The following ARHGEF10 variants were observed in gnomAD, a reference collection of about 807,000 sequenced individuals.
ARHGEF10 encodes the protein Rho guanine nucleotide exchange factor 10.
ARHGEF10 carries 140 observed loss-of-function variants against 147.4 expected under a neutral mutation model. That is an observed-to-expected ratio of 0.95 (90% CI 0.83 to 1.09). The LOEUF is 1.09. Among genes scored for constraint, ARHGEF10 ranks in the 50% least tolerant of loss-of-function variants. ARHGEF10 has a pLI of 0.00. For missense variants in ARHGEF10, 2,222 were observed against 1,752.7 expected, an observed-to-expected ratio of 1.27 and a Z score of -4.78; for synonymous variants, 902 against 695.8, an observed-to-expected ratio of 1.30 and a Z score of -4.67.
intron 1 of ARHGEF10, among the ~76,000 whole-genome samples, chr8:1,829,572 C>A (rs187844596): frequency 6.6e-5 from 10 of 152,250 alleles, no homozygotes; most frequent in Non-Finnish European, 1.5e-4. Context: ...GCTGCCTCCA[C>A]GGAAGCCGCG....
chr8:1,893,944 C>T (rs927145626), intron 12 of ARHGEF10, among the ~76,000 whole-genome samples: 2 of 151,942 alleles, frequency 1.3e-5, no homozygotes, highest in Non-Finnish European at 2.9e-5. Context: ...GAGGCTGAGT[C>T]AGGTGGATTG....
At chr8:1,840,521 TCTGTCCGGTGTGGGGA>T (rs1414879996) in intron 1 of ARHGEF10, among the ~76,000 whole-genome samples, 1 of 87,614 alleles carries the variant, frequency 1.1e-5, no homozygotes, top group African/African-American at 4.4e-5. Context: ...CGGTGTGGAA[TCTGTCCGGTGTGGGGA>T]CTGTCCGGTG....
rs1252109298 is a variant in ARHGEF10 at position 1,950,502 on chromosome 8, C to T, written c.3398-2203C>T. On this transcript the variant is annotated intron_variant, in intron 27 of 28. Transcript: ENST00000349830. ...AAAAACATTCATATCGGGTTTCTAC[C>T]TGCTTTTACCCTTTTTATTATTTAT... Among the ~76,000 whole-genome samples, 3 of 152,168 alleles carry T rather than the reference C, an allele frequency of 2.0e-5. No individual in the cohort carries two copies. In the East Asian group the frequency reaches 5.8e-4, roughly 29 times the overall value.
intron 9 of ARHGEF10, among the ~76,000 whole-genome samples, chr8:1,881,985 G>C (rs1458180387): frequency 6.6e-6 from 1 of 152,216 alleles, no homozygotes; most frequent in African/African-American, 2.4e-5. Context: ...CCTGAGTCTA[G>C]GCAGCCGTGA....
At chr8:1,824,277 C>A (rs912618355) in intron 1 of ARHGEF10, among the ~76,000 whole-genome samples, 164 bp downstream of exon 1, 1 of 151,920 alleles carries the variant, frequency 6.6e-6, no homozygotes, top group Non-Finnish European at 1.5e-5. Flanking sequence ...GAGACCCCCT[C>A]CCCCCGAGCA....
intron 3 of ARHGEF10, among the ~76,000 whole-genome samples, chr8:1,859,639 T>A (rs1220444655): frequency 6.6e-6 from 1 of 151,842 alleles, no homozygotes; most frequent in African/African-American, 2.4e-5. Flanking sequence ...CTCCGGCAGC[T>A]TCTCCCTGAC....
chr8:1,830,896 A>G (rs368858535), intron 1 of ARHGEF10, among the ~76,000 whole-genome samples: 14 of 152,330 alleles, frequency 9.2e-5, no homozygotes, highest in Middle Eastern at 3.4e-3. Context: ...GAGCCGAGAG[A>G]TGAGCTGAGC....
At chr8:1,947,183 G>C (rs1378407829) in intron 27 of ARHGEF10, among the ~76,000 whole-genome samples, 1 of 152,328 alleles carries the variant, frequency 6.6e-6, no homozygotes, top group South Asian at 2.1e-4. Flanking sequence ...TCACGCGGCA[G>C]TGAGTGTCCA....
At chr8:1,935,682 A>C (rs1813535423) in intron 26 of ARHGEF10, among the ~76,000 whole-genome samples, 1 of 152,190 alleles carries the variant, frequency 6.6e-6, no homozygotes, top group African/African-American at 2.4e-5. Flanking sequence ...CTCTCTACAG[A>C]GGAGCTTGTG....
intron 11 of ARHGEF10, among the ~76,000 whole-genome samples, chr8:1,886,891 C>A (rs1808707491): frequency 6.6e-6 from 1 of 152,290 alleles, no homozygotes; most frequent in South Asian, 2.1e-4. Context: ...CTCACTGGGG[C>A]CATGTGATCT....
At chr8:1,887,253 G>C (rs1018900090) in intron 11 of ARHGEF10, among the ~76,000 whole-genome samples, 2 of 152,266 alleles carry the variant, frequency 1.3e-5, no homozygotes, top group Non-Finnish European at 2.9e-5. Context: ...ATGCTTCCTA[G>C]CAGATGAGGG....
chr8:1,885,700 A>G lies in ARHGEF10; in HGVS notation c.1175A>G (p.Gln392Arg), dbSNP rs562403815. ...ILTPMPEGLS[Q>R]QQVVRRYILG... Reference sequence around the variant, plus strand: ...ACCCCGATGCCCGAGGGTTTATCTCAGCAGCAGGTGAGATGAGCAGAGCTG... The same window carrying G: ...ACCCCGATGCCCGAGGGTTTATCTCGGCAGCAGGTGAGATGAGCAGAGCTG... Residue 392 changes from glutamine (Q) to arginine (R), a missense_variant, in exon 11 of 29, where the codon CAG (glutamine) becomes CGG (arginine). Physicochemically the swap from Gln to Arg is conservative, Grantham distance 43. Coordinates refer to ENST00000349830, the MANE Select transcript of ARHGEF10 (RefSeq NM_014629.4). 4.2e-5 allele frequency: 67 copies of G among 1,610,252 alleles called. 2 individuals are homozygous for G. The South Asian group carries it at 6.7e-4, about 16-fold the overall frequency.
chr8:1,859,828 G>T, intron 3 of ARHGEF10, 69 bp from the exon 4 acceptor site: 2 of 1,586,986 alleles, frequency 1.3e-6, no homozygotes, highest in Non-Finnish European at 1.7e-6. Flanking sequence ...TCCCACTTGC[G>T]CTCCAGGAGG....
chr8:1,842,454 GT>G (rs1246157622), intron 1 of ARHGEF10, among the ~76,000 whole-genome samples: 1 of 152,184 alleles, frequency 6.6e-6, no homozygotes, highest in African/African-American at 2.4e-5. Flanking sequence ...TGAATAGTAC[GT>G]GAGGCCGGTG....
intron 2 of ARHGEF10, among the ~76,000 whole-genome samples, chr8:1,843,910 G>A (rs961940437): frequency 6.6e-6 from 1 of 152,180 alleles, no homozygotes; most frequent in Non-Finnish European, 1.5e-5. Flanking sequence ...AATAAGGGAG[G>A]GCCTGCTGAT....
chr8:1,939,809 C>CA (rs1411888110), intron 26 of ARHGEF10, among the ~76,000 whole-genome samples: 9 of 152,264 alleles, frequency 5.9e-5, no homozygotes, highest in Admixed American at 2.6e-4. Flanking sequence ...GCTCAGCTCC[C>CA]GGGGACTGGG....
intron 6 of ARHGEF10, 69 bp from the exon 7 acceptor site, chr8:1,869,125 C>A: frequency 7.4e-7 from 1 of 1,347,168 alleles, no homozygotes; most frequent in Non-Finnish European, 1.1e-6. Context: ...CGACTGTGGC[C>A]CTGTAAAATT....
At position 1,875,253 on chromosome 8, in the gene ARHGEF10, C is replaced by T. The variant is rs540532675; in HGVS notation, c.680-1318C>T. 6.3e-5 allele frequency among the ~76,000 whole-genome samples: 9 copies of T among 143,334 alleles called. No individual in the cohort carries two copies. In the East Asian group the frequency reaches 6.7e-4, roughly 11 times the overall value. 94.0% of individuals were successfully genotyped at this position (143,334 alleles called of 152,430 possible). Reference sequence around the variant, plus strand: ...GGGAGAGTGCAGACACACACCAGGGCGTGTAGGGGGTGGAGGTTCTAAGAC... The same window carrying T: ...GGGAGAGTGCAGACACACACCAGGGTGTGTAGGGGGTGGAGGTTCTAAGAC... On this transcript the variant is annotated intron_variant, in intron 7 of 28. Transcript: ENST00000349830.
chr8:1,896,552 A>G (rs1809990875), intron 14 of ARHGEF10, 103 bp downstream of exon 14: 2 of 848,948 alleles, frequency 2.4e-6, no homozygotes, highest in Non-Finnish European at 4.0e-6. Context: ...AGATTTCAGT[A>G]TCAATAGTGC....
Sources: allele counts gnomAD v4.1 joint callset (sites outside exome capture counted in the v4.1 genomes callset), GRCh38; gene constraint gnomAD v4.1.1; transcripts MANE v1.5; gene names NCBI Gene and HGNC (gene_info 2026-07-23, HGNC 2026-07-21).